GNB5: variants seen among roughly 807,000 people sequenced by gnomAD.
GNB5 encodes the protein G protein subunit beta 5, also known as guanine nucleotide-binding protein subunit beta-5.
In GNB5, 37 loss-of-function variants were observed where a neutral mutation model predicts 55.3. The ratio of observed to expected loss-of-function variants is 0.67; its 90% CI spans 0.51 to 0.88. The LOEUF is 0.88. GNB5 is among the 40% of genes least tolerant of loss of function. The probability of loss-of-function intolerance (pLI) is 0.00; values close to 1 mark genes in which losing one functional copy is unlikely to be tolerated. For synonymous variants in GNB5, 219 were observed against 198.5 expected, an observed-to-expected ratio of 1.10 and a Z score of -0.87; for missense variants, 476 against 515.3, an observed-to-expected ratio of 0.92 and a Z score of 0.74.
chr15:52,149,904 C>T lies in GNB5; in HGVS notation c.397G>A (p.Asp133Asn). 6.2e-7 allele frequency: 1 copy of T among 1,612,222 alleles called. No individual in the cohort carries two copies. Among genetic ancestry groups the T allele is most frequent in the Non-Finnish European group, 8.5e-7 (1 of 1,178,296 alleles). Residue 133 changes from aspartate to asparagine, a missense_variant, in exon 5 of 13, where the codon GAT becomes AAT. Coordinates refer to ENST00000261837, the MANE Select transcript of GNB5 (RefSeq NM_016194.4). The stretch of plus-strand genomic sequence containing the variant: ...CTCACCTTGTTTGTGGTGAAGGAAT[C>T]CCACACGATCACCTTCCCATCCTGG... ...SSQDGKVIVW[D>N]SFTTNKEHAV...
Position 52,118,965 on chromosome 15 carries a change from A to T in GNB5, c.*3792T>A, listed in dbSNP as rs1292713910. ...GAAGCTCTAACTGATGAGAATTACT[A>T]ATTTGCTATATGAGTGGGGGCTGCC... On this transcript the variant is annotated 3_prime_UTR_variant, in exon 13 of 13. Transcript: ENST00000261837. 6.7e-6 allele frequency: 1 copy of T among 149,518 alleles called. No homozygotes were observed. The highest frequency in any genetic ancestry group is 2.5e-5 in the African/African-American group (1 of 40,494). 9.3% of individuals were successfully genotyped at this position (149,518 alleles called of 1,614,324 possible).
At chr15:52,190,009 G>T (rs1245359254) in intron 1 of GNB5, among the ~76,000 whole-genome samples, 1 of 152,078 alleles carries the variant, frequency 6.6e-6, no homozygotes, top group Non-Finnish European at 1.5e-5. Context: ...GGAGTCAGTG[G>T]CAATGGTTGC....
chr15:52,128,718 C>T (rs1216659664), intron 9 of GNB5: 2 of 459,324 alleles, frequency 4.4e-6, no homozygotes, highest in Non-Finnish European at 8.7e-6. Flanking sequence ...AGTAATAATG[C>T]ATATTTTCTG....
chr15:52,139,790 T>G, intron 7 of GNB5: 1 of 1,233,072 alleles, frequency 8.1e-7, no homozygotes, highest in Non-Finnish European at 1.0e-6. Flanking sequence ...AGCTGCTTGT[T>G]GGAAAAGAAA....
At chr15:52,179,703 C>CCG in intron 3 of GNB5, 65 bp downstream of exon 3, 2 of 1,020,664 alleles carry the variant, frequency 2.0e-6, no homozygotes, top group Non-Finnish European at 2.6e-6. Flanking sequence ...CCGCCCCCGC[C>CCG]GTCCCCGCCC....
intron 7 of GNB5, among the ~76,000 whole-genome samples, chr15:52,136,113 A>ACAC (rs2033707674): frequency 2.0e-5 from 1 of 50,722 alleles, no homozygotes; most frequent in African/African-American, 1.2e-4. Flanking sequence ...AAAAGCAGAA[A>ACAC]ACACACACAC....
At chr15:52,139,806 T>C in intron 7 of GNB5, 1 of 1,245,240 alleles carries the variant, frequency 8.0e-7, no homozygotes, top group South Asian at 1.3e-5. Context: ...AGAAAGCACT[T>C]TCTCACCTAC....
At chr15:52,149,643 T>C (rs904938869) in intron 5 of GNB5, 34 of 597,676 alleles carry the variant, frequency 5.7e-5, no homozygotes, top group African/African-American at 1.1e-4. Flanking sequence ...CATGTTGGTA[T>C]TGGCAGCCCC....
At chr15:52,173,119 C>T (rs1291050613) in intron 3 of GNB5, among the ~76,000 whole-genome samples, 1 of 152,076 alleles carries the variant, frequency 6.6e-6, no homozygotes, top group Non-Finnish European at 1.5e-5. Flanking sequence ...TACTTACATT[C>T]TAGTAAGGGA....
rs144335365 is a variant in GNB5 at position 52,154,064 on chromosome 15, G to A, written c.251C>T (p.Ala84Val). 1.7e-5 allele frequency: 27 copies of A among 1,613,564 alleles called. No individual in the cohort carries two copies. The East Asian group carries it at 1.8e-4, about 11-fold the overall frequency. ...KLHDVELHQVAERVEALGQFV... is the reference protein window; with the variant it reads ...KLHDVELHQVVERVEALGQFV... ...CTGCCCCAGGGCCTCCACCCGCTCC[G>A]CCACCTGGTGCACTGGAATGACAAG... Residue 84 changes from alanine to valine, a missense_variant, in exon 4 of 13, where the codon GCG (alanine) becomes GTG (valine). Ala to Val is a moderately conservative substitution (Grantham distance 64, BLOSUM62 0). Coordinates refer to ENST00000261837, the MANE Select transcript of GNB5 (RefSeq NM_016194.4).
In GNB5 at chr15:52,157,250, CT is replaced by C. The variant is rs74508387; in HGVS notation, c.239-3175del. On this transcript the variant is annotated intron_variant, in intron 3 of 12. Coordinates refer to ENST00000261837, the MANE Select transcript of GNB5 (RefSeq NM_016194.4). ...GGCACCCGGCCTGATTCTTATAGGC[CT>C]TTTTTTTTTTTTTGAGTCGGAGTCT... 4.6e-3 allele frequency among the ~76,000 whole-genome samples: 510 copies of C among 111,010 alleles called. 1 individual carries two copies. The highest frequency in any genetic ancestry group is 0.01 in the African/African-American group (308 of 29,776). 72.8% of individuals were successfully genotyped at this position (111,010 alleles called of 152,430 possible).
chr15:52,142,087 C>G (rs62014721), intron 6 of GNB5, among the ~76,000 whole-genome samples: 22,710 of 152,126 alleles, frequency 0.15, 2,028 homozygotes, highest in Admixed American at 0.27. Context: ...GAACATTTTG[C>G]CAATAAGAGT....
chr15:52,179,958 G>C, intron 2 of GNB5, 79 bp from the exon 3 acceptor site: 2 of 1,415,054 alleles, frequency 1.4e-6, no homozygotes, highest in South Asian at 2.7e-5. Flanking sequence ...TCCAGCAGCC[G>C]TCCCCGGCCC....
intron 2 of GNB5, chr15:52,181,020 T>A (rs1406167587): frequency 6.6e-6 from 1 of 152,148 alleles, no homozygotes; most frequent in Non-Finnish European, 1.5e-5. Flanking sequence ...CCTTTTTCCC[T>A]CCTATGTGAT....
intron 6 of GNB5, among the ~76,000 whole-genome samples, chr15:52,145,810 C>A (rs1398745700): frequency 6.6e-6 from 1 of 152,116 alleles, no homozygotes; most frequent in Non-Finnish European, 1.5e-5. Context: ...GGCTCCAAAG[C>A]ATTTGCCTGG....
intron 8 of GNB5, among the ~76,000 whole-genome samples, chr15:52,134,860 C>A (rs1371817079): frequency 6.6e-6 from 1 of 152,066 alleles, no homozygotes; most frequent in Non-Finnish European, 1.5e-5. Flanking sequence ...CTCAGGCTGG[C>A]CCCAGAAAGA....
chr15:52,126,150 T>A (rs1345152884), intron 10 of GNB5, 106 bp from the exon 11 acceptor site: 5 of 626,146 alleles, frequency 8.0e-6, no homozygotes, highest in Non-Finnish European at 1.4e-5. Flanking sequence ...GTTTAAAAGA[T>A]GAAGGAAAAA....
At chr15:52,168,790 G>A (rs1444452019) in intron 3 of GNB5, among the ~76,000 whole-genome samples, 5 of 152,106 alleles carry the variant, frequency 3.3e-5, no homozygotes, top group East Asian at 1.9e-4. Flanking sequence ...CAATGGAACC[G>A]AATGGAGAGC....
rs1457640435 is a variant in GNB5, at chr15:52,124,710, C to T, written c.1010-71G>A. The T allele has an allele frequency of 3.1e-6, 4 of 1,306,736 alleles. No homozygotes were observed. The South Asian group carries it at 5.2e-5, about 17-fold the overall frequency. The allele number at this position is 1,306,736 out of a possible 1,614,324, so 80.9% of individuals were successfully genotyped here. A position where few individuals can be genotyped will look rare whatever the true frequency, so the allele number is the denominator to read the frequency against. On this transcript the variant is annotated intron_variant, in intron 11 of 12. Transcript: ENST00000261837. ...CCTGTTTCTCATTACATGACTGTTACTCACTCATTCAGTAAGCAGTGATTC... is the reference window on the plus strand; with the variant it reads ...CCTGTTTCTCATTACATGACTGTTATTCACTCATTCAGTAAGCAGTGATTC...
Sources: allele counts gnomAD v4.1 joint callset (sites outside exome capture counted in the v4.1 genomes callset), GRCh38; gene constraint gnomAD v4.1.1; transcripts MANE v1.5; gene names NCBI Gene and HGNC (gene_info 2026-07-23, HGNC 2026-07-21).